BDP1: variants seen among roughly 807,000 people sequenced by gnomAD.
BDP1 encodes the protein transcription factor TFIIIB component B'' homolog.
A neutral mutation model predicts 266.6 loss-of-function variants in BDP1; 169 were observed. The observed-to-expected ratio is 0.63, with a 90% CI of 0.56 to 0.72. The LOEUF is 0.72. BDP1 is among the 30% of genes least tolerant of loss of function. BDP1 has a pLI of 0.00. For synonymous variants in BDP1, 1,090 were observed against 1,022.4 expected, an observed-to-expected ratio of 1.07 and a Z score of -1.26; for missense variants, 3,015 against 3,053.8, an observed-to-expected ratio of 0.99 and a Z score of 0.30.
At chr5:71,498,912 C>T (rs138928134) in intron 13 of BDP1, among the ~76,000 whole-genome samples, 4 of 151,972 alleles carry the variant, frequency 2.6e-5, no homozygotes, top group South Asian at 2.1e-4. Context: ...TCAGTTGAGA[C>T]GAGGTTTTGT....
chr5:71,477,507 G>T (rs550775887), intron 7 of BDP1, among the ~76,000 whole-genome samples: 48 of 152,276 alleles, frequency 3.2e-4, no homozygotes, highest in African/African-American at 1.1e-3. Flanking sequence ...TAATGAGGCA[G>T]CTGGTCCAAG....
At position 71,509,750 on chromosome 5, in the gene BDP1, G is replaced by A. The variant is rs755177463; in HGVS notation, c.2658G>A (p.Glu886=). 1.9e-6 allele frequency: 3 copies of A among 1,614,012 alleles called. No homozygotes were observed. In the African/African-American group the frequency reaches 4.0e-5, roughly 22 times the overall value. Residue 886 remains glutamate (E), a synonymous_variant, in exon 17 of 39, where the codon GAG becomes GAA. Coordinates refer to ENST00000358731, the MANE Select transcript of BDP1 (RefSeq NM_018429.3). ...GAAGAAGAGCCATTTCTCCCAGGGA[G>A]AAGATTCTAGATGTGATTGATGACA... ...ETGRRAISPR[E]KILDVIDDTI... is the part of the protein sequence containing the mutation.
chr5:71,505,088 C>T (rs1239157845), intron 16 of BDP1, among the ~76,000 whole-genome samples: 1 of 152,182 alleles, frequency 6.6e-6, no homozygotes, highest in Non-Finnish European at 1.5e-5. Context: ...CTCACTGCAA[C>T]CACTGCTTCC....
chr5:71,560,663 A>G lies in BDP1; in HGVS notation c.7496+426A>G, dbSNP rs563930431. Among the ~76,000 whole-genome samples the G allele has an allele frequency of 9.8e-4, 149 of 152,308 alleles. 4 individuals carry two copies. In the South Asian group the frequency reaches 0.03, roughly 30 times the overall value. On this transcript the variant is annotated intron_variant, in intron 37 of 38. Coordinates refer to ENST00000358731, the MANE Select transcript of BDP1 (RefSeq NM_018429.3). Reference sequence around the variant, plus strand: ...AAACCATGGCTTTCTCCCCATAAGAATAAGTGTTGGAATTTAAGCAAGAGC... The same window carrying G: ...AAACCATGGCTTTCTCCCCATAAGAGTAAGTGTTGGAATTTAAGCAAGAGC...
intron 36 of BDP1, among the ~76,000 whole-genome samples, chr5:71,559,355 A>G (rs954331430): frequency 2.6e-5 from 4 of 152,206 alleles, no homozygotes; most frequent in African/African-American, 9.6e-5. Flanking sequence ...GTTCTATGCT[A>G]TCTTTAATTA....
intron 16 of BDP1, among the ~76,000 whole-genome samples, chr5:71,507,511 T>G: frequency 6.6e-6 from 1 of 152,216 alleles, no homozygotes; most frequent in East Asian, 1.9e-4. Context: ...AATAATGAAA[T>G]TATTAATAAA....
At chr5:71,511,238 C>CTTTTTT (rs1764903097) in intron 17 of BDP1, 87 bp downstream of exon 17, 1 of 1,309,302 alleles carries the variant, frequency 7.6e-7, no homozygotes, top group Non-Finnish European at 1.1e-6. Flanking sequence ...TCCTTAAGTC[C>CTTTTTT]AACAACACTT....
chr5:71,468,415 T>TG (rs879610731), intron 6 of BDP1, among the ~76,000 whole-genome samples: 2 of 151,954 alleles, frequency 1.3e-5, no homozygotes, highest in Non-Finnish European at 2.9e-5. Context: ...CCCGAAGTGT[T>TG]GAGATTATAG....
In BDP1 at chr5:71,517,351, A is replaced by G. The variant is rs938868494; in HGVS notation, c.4890A>G (p.Glu1630=). Residue 1630 remains glutamate, a synonymous_variant, in exon 22 of 39, where the codon GAA becomes GAG. Coordinates refer to ENST00000358731, the MANE Select transcript of BDP1 (RefSeq NM_018429.3). ...VSNSQIETEI[E]VPSSAVPEHR... is the part of the protein sequence containing the mutation. The stretch of plus-strand genomic sequence containing the variant: ...ATTCTCAAATTGAAACTGAAATTGA[A>G]GTTCCATCGTCCGCAGTTCCAGAAC... The G allele has an allele frequency of 6.3e-7, 1 of 1,597,680 alleles. No individual in the cohort carries two copies.
chr5:71,522,198 A>G, intron 22 of BDP1, 91 bp from the exon 23 acceptor site: 1 of 972,346 alleles, frequency 1.0e-6, no homozygotes, highest in Non-Finnish European at 1.6e-6. Flanking sequence ...CATAGAATTG[A>G]TTTGTATCCA....
chr5:71,485,586 G>A (rs1000277739), intron 8 of BDP1, among the ~76,000 whole-genome samples: 39 of 152,106 alleles, frequency 2.6e-4, no homozygotes, highest in African/African-American at 9.2e-4. Flanking sequence ...AATCAAACCA[G>A]TCTTTGGCTT....
rs767046215 is a variant in BDP1, at chr5:71,486,503, C to T, written c.1089C>T (p.Asp363=). 1 of 1,536,874 alleles carries T rather than the reference C, an allele frequency of 6.5e-7. No individual in the cohort carries two copies. The highest frequency in any genetic ancestry group is 8.7e-7 in the Non-Finnish European group (1 of 1,155,400). The part of the protein sequence containing the change: ...DKAFQEKRPF[D]FDFFAHLLQK... Reference sequence around the variant, plus strand: ...AAACAGAGGAAAAGCGCCCTTTTGACTTCGATTTTTTTGCTCATTTGCTTC... The same window carrying T: ...AAACAGAGGAAAAGCGCCCTTTTGATTTCGATTTTTTTGCTCATTTGCTTC... The change falls in exon 9 of 39, where the codon GAC becomes GAT. Residue 363 remains aspartate (D), a synonymous_variant. Coordinates refer to ENST00000358731, the MANE Select transcript of BDP1 (RefSeq NM_018429.3).
chr5:71,504,790 G>A (rs772829584), intron 16 of BDP1, 39 bp downstream of exon 16: 7 of 1,595,918 alleles, frequency 4.4e-6, no homozygotes, highest in Non-Finnish European at 6.0e-6. Context: ...TTTGGATTTT[G>A]TAAAAAGTTT....
intron 30 of BDP1, 70 bp from the exon 31 acceptor site, chr5:71,544,287 A>C (rs1260117638): frequency 1.4e-6 from 2 of 1,405,636 alleles, no homozygotes; most frequent in African/African-American, 2.9e-5. Flanking sequence ...TTAAGAGGGC[A>C]TATGTTTCTA....
Position 71,522,916 on chromosome 5 carries a change from T to C in BDP1, c.5354T>C (p.Val1785Ala), listed in dbSNP as rs373207688. The part of the protein sequence containing the change: ...ETVGDNSPSS[V>A]VEEQYLNKLT... ...GTAGGAGATAATTCACCATCTTCAG[T>C]TGTTGAAGAGCAATATCTCAATAAA... The change falls in exon 24 of 39, where the codon GTT becomes GCT. Residue 1785 changes from valine to alanine, a missense_variant. Physicochemically the swap from Val to Ala is moderately conservative, Grantham distance 64 (BLOSUM62 0). Around this residue, in one of 3 missense-constraint regions of BDP1, gnomAD observed 2,383 missense variants for 2,404.9 expected, o/e 0.99. Transcript: ENST00000358731. 6.2e-7 allele frequency: 1 copy of C among 1,604,196 alleles called. No homozygotes were observed. The highest frequency in any genetic ancestry group is 1.3e-5 in the African/African-American group (1 of 74,580).
intron 34 of BDP1, among the ~76,000 whole-genome samples, chr5:71,552,539 T>C (rs959655608): frequency 6.6e-6 from 1 of 152,228 alleles, no homozygotes; most frequent in African/African-American, 2.4e-5. Flanking sequence ...CATTGAGCAC[T>C]GAGTGAACAA....
intron 22 of BDP1, 54 bp from the exon 23 acceptor site, chr5:71,522,235 A>T: frequency 6.9e-7 from 1 of 1,450,218 alleles, no homozygotes; most frequent in South Asian, 1.2e-5. Flanking sequence ...CAGCTGTTAT[A>T]TCAACAAGAA....
At chr5:71,492,656 T>C (rs940316232) in intron 11 of BDP1, among the ~76,000 whole-genome samples, 1 of 152,226 alleles carries the variant, frequency 6.6e-6, no homozygotes, top group Non-Finnish European at 1.5e-5. Context: ...ATCAGAAATA[T>C]GATTTACACA....
downstream of BDP1, among the ~76,000 whole-genome samples, chr5:71,569,329 G>A (rs769797628): frequency 6.6e-6 from 1 of 152,204 alleles, no homozygotes; most frequent in Non-Finnish European, 1.5e-5. Flanking sequence ...GTGTGTGCCT[G>A]TGGTCCCAGC....
Sources: allele counts gnomAD v4.1 joint callset (sites outside exome capture counted in the v4.1 genomes callset), GRCh38; gene constraint gnomAD v4.1.1; regional missense constraint gnomAD v4.1.1; transcripts MANE v1.5; gene names NCBI Gene and HGNC (gene_info 2026-07-23, HGNC 2026-07-21).